Variants in COL6A5 observed in about 807,000 individuals in gnomAD.
COL6A5 encodes collagen alpha-5(VI) chain.
A neutral mutation model predicts 65.6 loss-of-function variants in COL6A5; 48 were observed. The observed-to-expected ratio is 0.73, with a 90% CI of 0.58 to 0.93. COL6A5 has a LOEUF of 0.93. Ranked by LOEUF, COL6A5 falls within the 40% of genes least tolerant of loss-of-function variation. The pLI, the probability that COL6A5 is intolerant of heterozygous loss-of-function variation, is 0.00. For missense variants in COL6A5, 914 were observed against 928.3 expected (o/e 0.98, Z 0.20); for synonymous variants, 291 against 322.8 (o/e 0.90, Z 1.05).
At chr3:130,395,222 C>G in exon 8 of COL6A5, 1 of 1,551,616 alleles carries the variant, frequency 6.4e-7, no homozygotes, top group Non-Finnish European at 8.7e-7. Context: ...TGGTGTCCCC[C>G]AAACTTTGGT....
At position 130,395,534 on chromosome 3, in the gene COL6A5, T is replaced by A. The variant is rs1577464736; in HGVS notation, c.3568+69T>A. On this transcript the variant is annotated intron_variant and NMD_transcript_variant, in intron 8 of 41. Coordinates refer to the COL6A5 transcript ENST00000312481. ...TTCTCCATTTCCCAAGAGTGTCTTA[T>A]GGGCTAGCTCTAGCAGAGCATATAT... 4 of 1,159,154 alleles carry A rather than the reference T, an allele frequency of 3.5e-6. No individual in the cohort carries two copies. In the East Asian group the frequency reaches 1.0e-4, roughly 30 times the overall value. 71.8% of individuals were successfully genotyped at this position (1,159,154 alleles called of 1,614,324 possible).
chr3:130,358,796 A>G (rs1273502905), intron 1 of COL6A5, among the ~76,000 whole-genome samples: 3 of 152,202 alleles, frequency 2.0e-5, no homozygotes, highest in African/African-American at 7.2e-5. Context: ...TTAGATATAC[A>G]TTCGTTTTGA....
chr3:130,379,340 C>A, intron 3 of COL6A5, 78 bp from the exon 4 acceptor site: 1 of 1,289,650 alleles, frequency 7.8e-7, no homozygotes, highest in Non-Finnish European at 1.1e-6. Context: ...AACTAATGTG[C>A]TTGATAATGT....
chr3:130,438,086 C>A (rs1709076295), intron 1 of COL6A5, among the ~76,000 whole-genome samples: 1 of 152,106 alleles, frequency 6.6e-6, no homozygotes, highest in South Asian at 2.1e-4. Flanking sequence ...GTAACCTCGG[C>A]CTCCTGGTTC....
At chr3:130,389,928 T>C (rs1303017914) in intron 6 of COL6A5, among the ~76,000 whole-genome samples, 1 of 152,210 alleles carries the variant, frequency 6.6e-6, no homozygotes, top group Non-Finnish European at 1.5e-5. Flanking sequence ...GTTTGTTTTG[T>C]GTTGTTCCTG....
At chr3:130,364,627 G>A (rs1198821927) in intron 1 of COL6A5, among the ~76,000 whole-genome samples, 2 of 152,186 alleles carry the variant, frequency 1.3e-5, no homozygotes, top group Non-Finnish European at 2.9e-5. Flanking sequence ...ATTAGGATTT[G>A]AGTTTGCACT....
At chr3:130,430,461 A>G (rs907498086), upstream of COL6A5, among the ~76,000 whole-genome samples, 1 of 152,138 alleles carries the variant, frequency 6.6e-6, no homozygotes, top group African/African-American at 2.4e-5. Flanking sequence ...AGTTAGCCAG[A>G]TTGGGGATAG....
intron 1 of COL6A5, among the ~76,000 whole-genome samples, chr3:130,372,895 G>T (rs1935619753): frequency 6.6e-6 from 1 of 152,108 alleles, no homozygotes; most frequent in Non-Finnish European, 1.5e-5. Flanking sequence ...TCTATTTTTT[G>T]AGTATCGGCC....
At position 130,414,250 on chromosome 3, in the gene COL6A5, A is replaced by T. The variant is rs1937272781; in HGVS notation, c.4761+119A>T. The T allele has an allele frequency of 1.4e-5, 11 of 782,806 alleles. No individual in the cohort carries two copies. In the Admixed American group the frequency reaches 2.4e-4, roughly 17 times the overall value. 48.5% of individuals were successfully genotyped at this position (782,806 alleles called of 1,614,324 possible). A position where few individuals can be genotyped will look rare whatever the true frequency, so the allele number is the denominator to read the frequency against. On this transcript the variant is annotated intron_variant and NMD_transcript_variant, in intron 22 of 41. Transcript: ENST00000312481. ...GAATCTGCCCCCTGCCCTATTTTGC[A>T]TTCCCTATCATGGGGTGGGGGGTGA...
chr3:130,477,031 T>C, intron 7 of COL6A5: 1 of 1,387,644 alleles, frequency 7.2e-7, no homozygotes, highest in Non-Finnish European at 9.9e-7. Context: ...CTTTGTCTTT[T>C]TGCAGATAAG....
chr3:130,385,150 G>A (rs920356841), exon 5 of COL6A5: 9 of 1,551,128 alleles, frequency 5.8e-6, no homozygotes, highest in Admixed American at 2.0e-5. Flanking sequence ...ACCTCATTGT[G>A]TTGACTGATG....
At chr3:130,407,207 G>C (rs1275865009) in intron 17 of COL6A5, among the ~76,000 whole-genome samples, 1 of 152,078 alleles carries the variant, frequency 6.6e-6, no homozygotes, top group Non-Finnish European at 1.5e-5. Context: ...AAAACATGAG[G>C]GTTCAGGGCA....
At chr3:130,431,260 T>A (rs1937788511), upstream of COL6A5, 2 of 701,678 alleles carry the variant, frequency 2.9e-6, no homozygotes, top group African/African-American at 3.5e-5. Context: ...TATAGCCAAA[T>A]ATTCATGCTC....
intron 1 of COL6A5, among the ~76,000 whole-genome samples, chr3:130,437,628 A>G (rs1483186838): frequency 1.3e-5 from 2 of 151,712 alleles, no homozygotes; most frequent in East Asian, 1.9e-4. Context: ...CCTCTTAGTA[A>G]CTCTCTGATC....
At chr3:130,361,618 T>G (rs934944811) in intron 1 of COL6A5, among the ~76,000 whole-genome samples, 1 of 152,068 alleles carries the variant, frequency 6.6e-6, no homozygotes, top group Admixed American at 6.5e-5. Flanking sequence ...TTGTATGGGA[T>G]GAATATGTTT....
At chr3:130,476,499 T>TC in intron 7 of COL6A5, among the ~76,000 whole-genome samples, 1 of 151,706 alleles carries the variant, frequency 6.6e-6, no homozygotes, top group Admixed American at 6.6e-5. Context: ...AATCACCTAG[T>TC]TATTTTTTTG....
At chr3:130,478,764 T>C (rs1710160988) in intron 7 of COL6A5, among the ~76,000 whole-genome samples, 1 of 152,054 alleles carries the variant, frequency 6.6e-6, no homozygotes, top group Admixed American at 6.6e-5. Flanking sequence ...CAAAGCACCA[T>C]AAACCCAAGT....
intron 7 of COL6A5, among the ~76,000 whole-genome samples, chr3:130,481,046 T>C (rs759824515): frequency 8.6e-5 from 13 of 151,930 alleles, no homozygotes; most frequent in Non-Finnish European, 1.6e-4. Context: ...TCTTTTTCTT[T>C]CTTTCTTTTT....
chr3:130,399,480 C>G (rs1285975652), intron 10 of COL6A5, among the ~76,000 whole-genome samples: 1 of 151,560 alleles, frequency 6.6e-6, no homozygotes, highest in Non-Finnish European at 1.5e-5. Context: ...ACACCATTCT[C>G]CTGCTTCAGC....
Sources: gnomAD v4.1 joint callset for allele counts (sites outside exome capture counted in the v4.1 genomes callset) on GRCh38, gnomAD v4.1.1 for gene constraint, MANE v1.5 for transcripts, NCBI Gene and HGNC (gene_info 2026-07-23, HGNC 2026-07-21) for gene names.